The following SGCZ variants were observed in gnomAD, a reference collection of about 807,000 sequenced individuals.
SGCZ encodes zeta-sarcoglycan.
In SGCZ, 40 loss-of-function variants were observed where a neutral mutation model predicts 41.3. The ratio of observed to expected loss-of-function variants is 0.97; its 90% CI spans 0.75 to 1.26. The LOEUF is 1.26. Among genes scored for constraint, SGCZ ranks in the 50% most tolerant of loss-of-function variants. The probability of loss-of-function intolerance (pLI) is 0.00; values close to 1 mark genes in which losing one functional copy is unlikely to be tolerated. For missense variants in SGCZ, 552 were observed against 369.8 expected (o/e 1.49, Z -4.04); for synonymous variants, 206 against 137.5 (o/e 1.50, Z -3.49).
At chr8:14,920,119 T>C (rs1799548135) in intron 1 of SGCZ, among the ~76,000 whole-genome samples, 1 of 152,214 alleles carries the variant, frequency 6.6e-6, no homozygotes, top group Admixed American at 6.5e-5. Flanking sequence ...GGGTAAATTT[T>C]GTATCATTTA....
intron 2 of SGCZ, among the ~76,000 whole-genome samples, chr8:14,413,858 T>C (rs1799425618): frequency 6.6e-6 from 1 of 151,990 alleles, no homozygotes; most frequent in Admixed American, 6.6e-5. Context: ...AATCTTTCTT[T>C]GATTTGTTCT....
intron 1 of SGCZ, among the ~76,000 whole-genome samples, chr8:14,963,916 T>C (rs1350974188): frequency 6.6e-6 from 1 of 152,198 alleles, no homozygotes; most frequent in Non-Finnish European, 1.5e-5. Flanking sequence ...TATGATTTTT[T>C]TATCCCAGAA....
intron 2 of SGCZ, among the ~76,000 whole-genome samples, chr8:14,462,362 T>C (rs959995693): frequency 6.6e-6 from 1 of 152,048 alleles, no homozygotes; most frequent in Non-Finnish European, 1.5e-5. Context: ...TAGTAAAATT[T>C]ACTATCTTAA....
At chr8:14,624,465 A>C (rs1806382845) in intron 1 of SGCZ, among the ~76,000 whole-genome samples, 1 of 151,724 alleles carries the variant, frequency 6.6e-6, no homozygotes, top group African/African-American at 2.4e-5. Flanking sequence ...AGTATATACC[A>C]AGAAGCGCAA....
intron 1 of SGCZ, among the ~76,000 whole-genome samples, chr8:14,893,526 A>G (rs1328270970): frequency 2.0e-5 from 3 of 152,208 alleles, no homozygotes; most frequent in Non-Finnish European, 4.4e-5. Flanking sequence ...GGGGACGTAG[A>G]ATTATATTTT....
In SGCZ at chr8:14,213,972, T is replaced by G. The variant is rs142922835; in HGVS notation, c.424+23620A>C. On this transcript the variant is annotated intron_variant, in intron 4 of 7. Coordinates refer to ENST00000382080, the MANE Select transcript of SGCZ (RefSeq NM_139167.4). ...CTGCTTAATTAGGGCGTGTTCAACATGTTCATAGCAAGTTCAACATGTTAA... is the reference window on the plus strand; with the variant it reads ...CTGCTTAATTAGGGCGTGTTCAACAGGTTCATAGCAAGTTCAACATGTTAA... Among the ~76,000 whole-genome samples, 383 of 152,272 alleles carry G rather than the reference T, an allele frequency of 2.5e-3. 2 individuals are homozygous for G. Among genetic ancestry groups the G allele is most frequent in the African/African-American group, 8.7e-3 (360 of 41,574 alleles).
At chr8:14,298,699 T>C (rs1585334407) in intron 3 of SGCZ, among the ~76,000 whole-genome samples, 1 of 152,018 alleles carries the variant, frequency 6.6e-6, no homozygotes, top group Non-Finnish European at 1.5e-5. Context: ...CCTAATTACA[T>C]GGATAAATGT....
intron 2 of SGCZ, among the ~76,000 whole-genome samples, chr8:14,488,336 C>G (rs1450724403): frequency 1.6e-5 from 2 of 126,612 alleles, no homozygotes; most frequent in Admixed American, 7.9e-5. Context: ...CCCATCGCCA[C>G]GGTTAAAGTA....
chr8:14,589,288 G>A (rs1335547498), intron 1 of SGCZ, among the ~76,000 whole-genome samples: 2 of 150,148 alleles, frequency 1.3e-5, no homozygotes, highest in African/African-American at 4.9e-5. Context: ...GAGTGTTGCA[G>A]TGAGCTGAGA....
intron 1 of SGCZ, among the ~76,000 whole-genome samples, chr8:14,996,460 G>C (rs1802223994): frequency 6.6e-6 from 1 of 152,074 alleles, no homozygotes; most frequent in Admixed American, 6.6e-5. Context: ...GGAGTGTAAT[G>C]GTGCAATCAC....
At chr8:14,407,449 G>A (rs1799242871) in intron 2 of SGCZ, among the ~76,000 whole-genome samples, 2 of 151,916 alleles carry the variant, frequency 1.3e-5, no homozygotes, top group South Asian at 2.1e-4. Context: ...GTTGGGTGGT[G>A]GATTCAGGAT....
chr8:14,657,644 G>C (rs1442801964), intron 1 of SGCZ, among the ~76,000 whole-genome samples: 2 of 151,476 alleles, frequency 1.3e-5, no homozygotes, highest in Non-Finnish European at 2.9e-5. Context: ...TCTTTAATCA[G>C]ATAGTGAAAA....
chr8:14,539,170 C>A (rs568259414), intron 2 of SGCZ, among the ~76,000 whole-genome samples: 1 of 151,994 alleles, frequency 6.6e-6, no homozygotes, highest in East Asian at 1.9e-4. Flanking sequence ...AGATTATCTT[C>A]GGACTGGAAC....
intron 4 of SGCZ, among the ~76,000 whole-genome samples, chr8:14,221,824 C>A (rs1404668292): frequency 1.3e-5 from 2 of 151,960 alleles, no homozygotes; most frequent in East Asian, 2.0e-4. Context: ...GTAATCTCAG[C>A]TGGGTGTAAT....
rs570692674 is a variant in SGCZ at position 14,724,704 on chromosome 8, T to A, written c.40-169778A>T. On this transcript the variant is annotated intron_variant, in intron 1 of 7. Transcript: ENST00000382080. Reference sequence around the variant, plus strand: ...TCACTAAGTGATATATATATATGCATATTTATTTTTATGAATACATAATAG... The same window carrying A: ...TCACTAAGTGATATATATATATGCAAATTTATTTTTATGAATACATAATAG... 1.4e-4 allele frequency among the ~76,000 whole-genome samples: 21 copies of A among 150,876 alleles called. 1 individual carries two copies. The highest frequency in any genetic ancestry group is 5.1e-4 in the African/African-American group (21 of 40,948).
intron 3 of SGCZ, among the ~76,000 whole-genome samples, chr8:14,246,829 G>T (rs981611467): frequency 1.4e-5 from 2 of 142,992 alleles, no homozygotes; most frequent in African/African-American, 5.2e-5. Flanking sequence ...AGAATGGCAT[G>T]AACCCGGGAG....
chr8:14,668,979 CATA>C (rs1373408535), intron 1 of SGCZ, among the ~76,000 whole-genome samples: 1 of 151,718 alleles, frequency 6.6e-6, no homozygotes, highest in Non-Finnish European at 1.5e-5. Context: ...GTTCTACTCT[CATA>C]GAAAATTTCA....
At chr8:15,002,591 C>A (rs1802464338) in intron 1 of SGCZ, among the ~76,000 whole-genome samples, 1 of 152,078 alleles carries the variant, frequency 6.6e-6, no homozygotes, top group African/African-American at 2.4e-5. Context: ...AGAAATAAGA[C>A]TGACTCCAGA....
chr8:14,404,982 C>T (rs546073177), intron 2 of SGCZ, among the ~76,000 whole-genome samples: 3 of 152,276 alleles, frequency 2.0e-5, no homozygotes, highest in Admixed American at 1.3e-4. Context: ...GGCCAGGTGG[C>T]CTGTCCTTCG....
Sources: allele counts gnomAD v4.1 joint callset (sites outside exome capture counted in the v4.1 genomes callset), GRCh38; gene constraint gnomAD v4.1.1; transcripts MANE v1.5; gene names NCBI Gene and HGNC (gene_info 2026-07-23, HGNC 2026-07-21).